RANGAP1: variants seen among roughly 807,000 people sequenced by gnomAD.
RANGAP1 encodes the protein ran GTPase-activating protein 1.
Under a neutral mutation model 63.5 loss-of-function variants are expected in RANGAP1, and 38 were observed. That is an observed-to-expected ratio of 0.60 (90% CI 0.46 to 0.78). The LOEUF (loss-of-function observed/expected upper bound fraction) is 0.78. RANGAP1 is among the 30% of genes least tolerant of loss of function. The pLI, the probability that RANGAP1 is intolerant of heterozygous loss-of-function variation, is 0.00. For missense variants in RANGAP1, 630 were observed against 740.3 expected, an observed-to-expected ratio of 0.85 and a Z score of 1.73; for synonymous variants, 329 against 310.5, an observed-to-expected ratio of 1.06 and a Z score of -0.63.
chr22:41,274,083 A>T (rs945672154), intron 3 of RANGAP1, among the ~76,000 whole-genome samples: 2 of 152,216 alleles, frequency 1.3e-5, no homozygotes, highest in Non-Finnish European at 2.9e-5. Flanking sequence ...GTCTCAAAAA[A>T]CAAAAAAAGA....
Position 41,257,924 on chromosome 22 carries a change from C to A in RANGAP1, c.774+24G>T, listed in dbSNP as rs1381985793. The A allele has an allele frequency of 1.3e-6, 2 of 1,577,988 alleles. No individual in the cohort carries two copies. The highest frequency in any genetic ancestry group is 1.7e-6 in the Non-Finnish European group (2 of 1,158,152). On this transcript the variant is annotated intron_variant, in intron 7 of 15. Transcript: ENST00000356244. This position sits in a 1 kb window ranked among gnomAD's most constrained non-coding sequence, Gnocchi z 4.0. ...CCAGCCTCTATCTGGCGGGGCCCAA[C>A]TGGCTCTGCCACACTCGCCTCACCT...
chr22:41,277,377 C>T (rs976090336), intron 2 of RANGAP1: 27 of 999,854 alleles, frequency 2.7e-5, no homozygotes, highest in African/African-American at 3.4e-5. Flanking sequence ...CGCGCCCGGC[C>T]GAAAGTGAGG....
At chr22:41,264,022 G>C (rs2034320666) in intron 5 of RANGAP1, among the ~76,000 whole-genome samples, 1 of 151,872 alleles carries the variant, frequency 6.6e-6, no homozygotes, top group South Asian at 2.1e-4. Flanking sequence ...TGTTACTTCT[G>C]TGTCCCCAGC....
At position 41,271,625 on chromosome 22, in the gene RANGAP1, C is replaced by T. The variant is rs148828155; in HGVS notation, c.240+2975G>A. Among the ~76,000 whole-genome samples the T allele has an allele frequency of 3.0e-3, 452 of 149,458 alleles. 2 individuals are homozygous for T. The highest frequency in any genetic ancestry group is 0.011 in the African/African-American group (433 of 40,404). ...AGGAGAATGGCATGAACCCGGGAGGCGGAGCTTGCAGTGAGCTGAGATCAC... is the reference window on the plus strand; with the variant it reads ...AGGAGAATGGCATGAACCCGGGAGGTGGAGCTTGCAGTGAGCTGAGATCAC... On this transcript the variant is annotated intron_variant, in intron 3 of 15. Coordinates refer to ENST00000356244, the MANE Select transcript of RANGAP1 (RefSeq NM_002883.4).
intron 15 of RANGAP1, among the ~76,000 whole-genome samples, chr22:41,248,488 T>A (rs976956839): frequency 3.3e-5 from 5 of 152,222 alleles, no homozygotes; most frequent in Non-Finnish European, 7.4e-5. Context: ...GCACCAAGTA[T>A]CCTGCCTCAG....
chr22:41,248,840 C>G, intron 15 of RANGAP1, among the ~76,000 whole-genome samples: 1 of 152,236 alleles, frequency 6.6e-6, no homozygotes, highest in East Asian at 1.9e-4. Context: ...CATTTGGCAG[C>G]TCCCGTGGCA....
intron 5 of RANGAP1, among the ~76,000 whole-genome samples, 178 bp from the exon 6 acceptor site, chr22:41,261,758 A>G (rs1384338433): frequency 6.6e-6 from 1 of 152,002 alleles, no homozygotes; most frequent in Admixed American, 6.5e-5. Flanking sequence ...CTTCAGTTAC[A>G]CAAGGTTTTT....
At chr22:41,272,409 C>T (rs2034893661) in intron 3 of RANGAP1, among the ~76,000 whole-genome samples, 1 of 152,146 alleles carries the variant, frequency 6.6e-6, no homozygotes, top group African/African-American at 2.4e-5. Context: ...GCCCTTCCGG[C>T]GTGAATCCTC....
chr22:41,290,125 T>C (rs1403670027), upstream of RANGAP1, among the ~76,000 whole-genome samples: 3 of 137,790 alleles, frequency 2.2e-5, no homozygotes, highest in South Asian at 4.5e-4. Context: ...GCCTGAATGA[T>C]AGAACAAGAC....
chr22:41,263,903 C>G (rs2034312452), intron 5 of RANGAP1, among the ~76,000 whole-genome samples: 1 of 152,264 alleles, frequency 6.6e-6, no homozygotes, highest in African/African-American at 2.4e-5. Context: ...CCCCATCTCT[C>G]TAAGCCTATG....
chr22:41,285,112 G>C (rs2035686609), intron 1 of RANGAP1: 1 of 152,078 alleles, frequency 6.6e-6, no homozygotes, highest in Admixed American at 6.6e-5. Flanking sequence ...AGCGGTGATC[G>C]TTCCACTACA....
intron 8 of RANGAP1, 100 bp downstream of exon 8, chr22:41,256,611 G>T: frequency 9.8e-7 from 1 of 1,021,418 alleles, no homozygotes; most frequent in Non-Finnish European, 1.5e-6. Flanking sequence ...GCTGGGATAT[G>T]GACACAGGCC....
chr22:41,297,686 CTTT>C, the RANGAP1 span, among the ~76,000 whole-genome samples: 46 of 93,364 alleles, frequency 4.9e-4, no homozygotes, highest in Admixed American at 1.9e-3. Context: ...CCACACCTGG[CTTT>C]TTTTTTTTTT....
the RANGAP1 span, among the ~76,000 whole-genome samples, chr22:41,295,074 T>G: frequency 7.4e-6 from 1 of 134,294 alleles, no homozygotes; most frequent in Admixed American, 7.3e-5. Flanking sequence ...GGGAGGGAGG[T>G]GGGGGGGTCA....
chr22:41,246,627 C>T lies in RANGAP1; in HGVS notation c.1740G>A (p.Leu580=). The T allele has an allele frequency of 6.3e-7, 1 of 1,583,436 alleles. No homozygotes were observed. The highest frequency in any genetic ancestry group is 8.6e-7 in the Non-Finnish European group (1 of 1,163,974). ...TCTAGACCTTGTACAGCGTCTGCAG[C>T]AGACTGTGGCGGGCGAAGGAGCAGG... ...LESCSFARHS[L]LQTLYKV Residue 580 remains leucine (L), a synonymous_variant, in exon 16 of 16, where the codon CTG becomes CTA. Coordinates refer to ENST00000356244, the MANE Select transcript of RANGAP1 (RefSeq NM_002883.4).
rs12484360 is a variant in RANGAP1 at position 41,281,496 on chromosome 22, A to G, written c.-38-414T>C. On this transcript the variant is annotated intron_variant, in intron 1 of 15. Coordinates refer to ENST00000356244, the MANE Select transcript of RANGAP1 (RefSeq NM_002883.4). ...TGGCTGTTCTCTGTTTGAGGGTCCCATTCCTCAAACAGGACACAGATGGCT... is the reference window on the plus strand; with the variant it reads ...TGGCTGTTCTCTGTTTGAGGGTCCCGTTCCTCAAACAGGACACAGATGGCT... The G allele has an allele frequency of 4.6e-5, 46 of 993,088 alleles. 1 individual carries two copies. The Admixed American group carries it at 2.5e-3, about 55-fold the overall frequency. The allele number at this position is 993,088 out of a possible 1,614,324, so 61.5% of individuals were successfully genotyped here.
chr22:41,292,224 T>C, the RANGAP1 span, among the ~76,000 whole-genome samples: 1 of 152,048 alleles, frequency 6.6e-6, no homozygotes, highest in Non-Finnish European at 1.5e-5. Context: ...CTCGGCTCAC[T>C]GCAACCTCTG....
At chr22:41,284,116 G>T (rs1349864075) in intron 1 of RANGAP1, among the ~76,000 whole-genome samples, 1 of 151,964 alleles carries the variant, frequency 6.6e-6, no homozygotes, top group Non-Finnish European at 1.5e-5. Context: ...GCCTGGTGGC[G>T]GGGGCCTGTA....
chr22:41,301,239 G>A, the RANGAP1 span, among the ~76,000 whole-genome samples: 2 of 152,328 alleles, frequency 1.3e-5, no homozygotes, highest in East Asian at 1.9e-4. Flanking sequence ...GAAGGGGGGC[G>A]GGGGGACTTT....
Sources: allele counts gnomAD v4.1 joint callset (sites outside exome capture counted in the v4.1 genomes callset), GRCh38; gene constraint gnomAD v4.1.1; non-coding constraint Gnocchi (gnomAD v3.1); transcripts MANE v1.5; gene names NCBI Gene and HGNC (gene_info 2026-07-23, HGNC 2026-07-21).